SH3BP4: variants seen among roughly 807,000 people sequenced by gnomAD.
SH3BP4 encodes the protein SH3 domain-binding protein 4.
In SH3BP4, 33 loss-of-function variants were observed where a neutral mutation model predicts 65.5. That is an observed-to-expected ratio of 0.50 (90% CI 0.38 to 0.67). The LOEUF (loss-of-function observed/expected upper bound fraction) is 0.67. Ranked by LOEUF, SH3BP4 falls within the 30% of genes least tolerant of loss-of-function variation. The probability of loss-of-function intolerance (pLI) is 0.00; values close to 1 mark genes in which losing one functional copy is unlikely to be tolerated. For missense variants in SH3BP4, 1,134 were observed against 1,261.4 expected (o/e 0.90, Z 1.53); for synonymous variants, 552 against 545.5 (o/e 1.01, Z -0.17).
intron 3 of SH3BP4, among the ~76,000 whole-genome samples, chr2:235,038,722 C>T (rs1695540107): frequency 6.6e-6 from 1 of 151,786 alleles, no homozygotes; most frequent in Admixed American, 6.6e-5. Flanking sequence ...ATGCTCTGTC[C>T]CCCACATATA....
At chr2:234,983,243 A>G (rs1169839467) in intron 1 of SH3BP4, 2 of 152,188 alleles carry the variant, frequency 1.3e-5, no homozygotes, top group African/African-American at 4.8e-5. Context: ...TTGTCCCCAG[A>G]TTTGTGCTTG....
At chr2:234,984,558 A>G (rs1229678348) in intron 1 of SH3BP4, among the ~76,000 whole-genome samples, 1 of 152,134 alleles carries the variant, frequency 6.6e-6, no homozygotes, top group East Asian at 1.9e-4. Flanking sequence ...TTTGCTGAGT[A>G]TAAGTGTATC....
At chr2:235,010,259 C>T (rs1351005245) in intron 2 of SH3BP4, among the ~76,000 whole-genome samples, 2 of 152,188 alleles carry the variant, frequency 1.3e-5, no homozygotes, top group African/African-American at 4.8e-5. Flanking sequence ...TGCTCTGTCC[C>T]TGGGCCCACC....
At position 235,053,536 on chromosome 2, in the gene SH3BP4, C is replaced by G. The variant is rs1381478049; in HGVS notation, c.2668-56C>G. Reference sequence around the variant, plus strand: ...GTAATAGGAACAAATCTCGTTCTGTCTCCTAATCTTTCTTCCTCTCTCCCT... The same window carrying G: ...GTAATAGGAACAAATCTCGTTCTGTGTCCTAATCTTTCTTCCTCTCTCCCT... On this transcript the variant is annotated intron_variant, in intron 5 of 5. Coordinates refer to ENST00000392011, the MANE Select transcript of SH3BP4 (RefSeq NM_014521.3). The G allele has an allele frequency of 2.9e-6, 4 of 1,357,416 alleles. No individual in the cohort carries two copies. In the African/African-American group the frequency reaches 4.3e-5, roughly 15 times the overall value. The allele number at this position is 1,357,416 out of a possible 1,614,324, so 84.1% of individuals were successfully genotyped here.
intron 1 of SH3BP4, among the ~76,000 whole-genome samples, chr2:234,959,651 G>T: frequency 8.9e-6 from 1 of 112,930 alleles, no homozygotes; most frequent in African/African-American, 3.4e-5. Flanking sequence ...AAGAGGATTT[G>T]ACTTTTTTTT....
chr2:234,956,600 C>T (rs1692591550), intron 1 of SH3BP4, among the ~76,000 whole-genome samples: 1 of 149,798 alleles, frequency 6.7e-6, no homozygotes, highest in Non-Finnish European at 1.5e-5. Flanking sequence ...GTTGCCCAGG[C>T]TGGAGTGCAG....
rs772830185 is a variant in SH3BP4, at chr2:235,055,310, T to G, written c.*1494T>G. ...CTTAGTATAATCAATGTATACTCCC[T>G]TACTGGCCTGAAACGTTGTATAGCT... is the stretch of plus-strand genomic sequence containing the variant. On this transcript the variant is annotated 3_prime_UTR_variant, in exon 6 of 6. Coordinates refer to ENST00000392011, the MANE Select transcript of SH3BP4 (RefSeq NM_014521.3). The G allele has an allele frequency of 2.6e-5, 4 of 152,576 alleles. No homozygotes were observed. The highest frequency in any genetic ancestry group is 5.9e-5 in the Non-Finnish European group (4 of 68,030). 9.5% of individuals were successfully genotyped at this position (152,576 alleles called of 1,614,324 possible).
intron 4 of SH3BP4, among the ~76,000 whole-genome samples, chr2:235,047,186 T>C (rs1490622420): frequency 1.3e-5 from 2 of 152,302 alleles, no homozygotes; most frequent in Non-Finnish European, 2.9e-5. Flanking sequence ...TTTATGGATA[T>C]TGGTGGCCAA....
intron 5 of SH3BP4, 76 bp from the exon 6 acceptor site, chr2:235,053,516 A>T: frequency 9.0e-7 from 1 of 1,115,646 alleles, no homozygotes; most frequent in Non-Finnish European, 1.3e-6. Context: ...ACCAAGTAAT[A>T]GGAACAAATC....
chr2:234,965,703 A>C (rs764560891), intron 1 of SH3BP4, among the ~76,000 whole-genome samples: 5 of 152,156 alleles, frequency 3.3e-5, no homozygotes, highest in African/African-American at 9.7e-5. Context: ...GGTTTTTTTC[A>C]TGCTCAAGAA....
intron 4 of SH3BP4, among the ~76,000 whole-genome samples, chr2:235,049,506 A>G (rs1189483625): frequency 6.6e-6 from 1 of 152,196 alleles, no homozygotes; most frequent in Non-Finnish European, 1.5e-5. Flanking sequence ...ACACCTTCCC[A>G]GGACCACAGA....
chr2:234,986,355 C>T (rs1225177948), intron 1 of SH3BP4, among the ~76,000 whole-genome samples: 1 of 152,212 alleles, frequency 6.6e-6, no homozygotes, highest in Non-Finnish European at 1.5e-5. Context: ...TTTCAGCCTC[C>T]TAAAGGTTTA....
chr2:235,003,196 G>A (rs1464290909), intron 2 of SH3BP4, among the ~76,000 whole-genome samples: 32 of 152,254 alleles, frequency 2.1e-4, no homozygotes. Context: ...GGGCCAGCGT[G>A]GCCCTGTCCT....
rs1020108090 is a variant in SH3BP4 at position 235,009,319 on chromosome 2, A to G, written c.-133+13943A>G. The stretch of plus-strand genomic sequence containing the variant: ...CAGTTGTCCCCTCCACTTCCAAGGA[A>G]CAAAACTCAGAGGCTCGCTCCAGTA... On this transcript the variant is annotated intron_variant, in intron 2 of 5. Coordinates refer to ENST00000392011, the MANE Select transcript of SH3BP4 (RefSeq NM_014521.3). Among the ~76,000 whole-genome samples the G allele has an allele frequency of 5.9e-5, 9 of 152,276 alleles. No individual in the cohort carries two copies. The East Asian group carries it at 1.7e-3, about 29-fold the overall frequency.
At chr2:234,957,554 ACCGAATTTGG>A (rs1692615248) in intron 1 of SH3BP4, among the ~76,000 whole-genome samples, 1 of 151,448 alleles carries the variant, frequency 6.6e-6, no homozygotes, top group East Asian at 2.0e-4. Flanking sequence ...CTACTGAGTA[ACCGAATTTGG>A]CCAGCAAGAG....
In SH3BP4 at chr2:235,046,890, A is replaced by C. The variant is rs1480869053; in HGVS notation, c.2478+3643A>C. Among the ~76,000 whole-genome samples the C allele has an allele frequency of 6.6e-6, 1 of 152,022 alleles. No homozygotes were observed. Among genetic ancestry groups the C allele is most frequent in the Non-Finnish European group, 1.5e-5 (1 of 68,018 alleles). Reference sequence around the variant, plus strand: ...TTCTTTTTGTGCCTGTTTTTGATAGAGTCCGTGTGTGAGGCATCCCCGTAC... The same window carrying C: ...TTCTTTTTGTGCCTGTTTTTGATAGCGTCCGTGTGTGAGGCATCCCCGTAC... On this transcript the variant is annotated intron_variant, in intron 4 of 5. Coordinates refer to ENST00000392011, the MANE Select transcript of SH3BP4 (RefSeq NM_014521.3). This position sits in a 1 kb window ranked among gnomAD's most constrained non-coding sequence, Gnocchi z 4.2.
intron 2 of SH3BP4, among the ~76,000 whole-genome samples, chr2:235,017,864 T>C (rs888007611): frequency 3.9e-5 from 6 of 152,206 alleles, no homozygotes; most frequent in African/African-American, 7.2e-5. Flanking sequence ...ATGGTTGATA[T>C]TCAACCAGTT....
chr2:235,024,073 C>T (rs1694923337), intron 2 of SH3BP4, among the ~76,000 whole-genome samples: 2 of 152,152 alleles, frequency 1.3e-5, no homozygotes, highest in Admixed American at 1.3e-4. Context: ...CTAGATATCT[C>T]GATTAGTAAT....
At chr2:235,039,040 C>T (rs573153288) in intron 3 of SH3BP4, among the ~76,000 whole-genome samples, 3 of 152,128 alleles carry the variant, frequency 2.0e-5, no homozygotes, top group African/African-American at 7.2e-5. Flanking sequence ...CTCCAAAGCT[C>T]ATTGAGGAAA....
Sources: gnomAD v4.1 joint callset for allele counts (sites outside exome capture counted in the v4.1 genomes callset) on GRCh38, gnomAD v4.1.1 for gene constraint, Gnocchi (gnomAD v3.1) non-coding constraint, MANE v1.5 for transcripts, NCBI Gene and HGNC (gene_info 2026-07-23, HGNC 2026-07-21) for gene names.